PTPRD: variants seen among roughly 807,000 people sequenced by gnomAD.
PTPRD encodes the protein receptor-type tyrosine-protein phosphatase delta.
PTPRD carries 34 observed loss-of-function variants against 214.5 expected under a neutral mutation model. The ratio of observed to expected loss-of-function variants is 0.16; its 90% CI spans 0.12 to 0.21. PTPRD has a LOEUF of 0.21. Ranked by LOEUF, PTPRD falls within the 10% of genes least tolerant of loss-of-function variation. The pLI is 1.00. For synonymous variants in PTPRD, 1,128 were observed against 845.7 expected, an observed-to-expected ratio of 1.33 and a Z score of -5.79; for missense variants, 2,545 against 2,398.7, an observed-to-expected ratio of 1.06 and a Z score of -1.27.
intron 2 of PTPRD, among the ~76,000 whole-genome samples, chr9:10,539,106 G>A (rs561764773): frequency 6.6e-6 from 1 of 152,144 alleles, no homozygotes; most frequent in East Asian, 1.9e-4. Context: ...TCCTGATCTT[G>A]CACTTACTTA....
chr9:10,348,457 C>A (rs1205813966), intron 2 of PTPRD, among the ~76,000 whole-genome samples: 1 of 152,138 alleles, frequency 6.6e-6, no homozygotes, highest in Non-Finnish European at 1.5e-5. Context: ...AACACTGCCC[C>A]TTACGTGGTG....
At chr9:8,910,990 A>G (rs534892258) in intron 11 of PTPRD, among the ~76,000 whole-genome samples, 1 of 152,332 alleles carries the variant, frequency 6.6e-6, no homozygotes, top group East Asian at 1.9e-4. Context: ...TCATCGATTA[A>G]AGACACTATT....
chr9:8,845,777 AT>A (rs144009310), intron 11 of PTPRD, among the ~76,000 whole-genome samples: 2,540 of 152,218 alleles, frequency 0.017, 72 homozygotes, highest in African/African-American at 0.057. Flanking sequence ...CCACCAGCAT[AT>A]TTTCCCACTG....
rs924081884 is a variant in PTPRD, at chr9:10,510,157, A to T, written c.-600+102241T>A. On this transcript the variant is annotated intron_variant, in intron 2 of 45. Transcript: ENST00000381196. ...TCTTTGTATTTGGCCTTAGAATATG[A>T]AGTCAAATGTCAATTTGCCAAAGTT... Among the ~76,000 whole-genome samples, 26 of 152,118 alleles carry T rather than the reference A, an allele frequency of 1.7e-4. 1 individual carries two copies. Among genetic ancestry groups the T allele is most frequent in the African/African-American group, 7.2e-5 (3 of 41,436 alleles).
chr9:8,803,795 T>C (rs1185768221), intron 11 of PTPRD, among the ~76,000 whole-genome samples: 2 of 151,878 alleles, frequency 1.3e-5, no homozygotes, highest in African/African-American at 4.8e-5. Context: ...CTATTCATAA[T>C]ACCTTTTTTT....
chr9:8,845,867 T>C (rs1196418220), intron 11 of PTPRD, among the ~76,000 whole-genome samples: 3 of 152,202 alleles, frequency 2.0e-5, no homozygotes, highest in Non-Finnish European at 4.4e-5. Context: ...TTAGTCTCTG[T>C]TAGGGCGGTC....
At chr9:9,324,035 C>T (rs184858082) in intron 9 of PTPRD, among the ~76,000 whole-genome samples, 1 of 152,298 alleles carries the variant, frequency 6.6e-6, no homozygotes, top group African/African-American at 2.4e-5. Flanking sequence ...TTTTTTATGG[C>T]TGCATAGTAT....
intron 2 of PTPRD, among the ~76,000 whole-genome samples, chr9:10,403,227 A>AATATATAT (rs58712564): frequency 0.072 from 4,294 of 59,682 alleles, 394 homozygotes; most frequent in Admixed American, 0.12. Flanking sequence ...TGTGTGTGTA[A>AATATATAT]ATATATATAT....
At chr9:8,889,054 AT>A (rs1049833446) in intron 11 of PTPRD, among the ~76,000 whole-genome samples, 2 of 152,220 alleles carry the variant, frequency 1.3e-5, no homozygotes, top group African/African-American at 4.8e-5. Context: ...CCCATCTATT[AT>A]TAGACCTGTG....
intron 7 of PTPRD, among the ~76,000 whole-genome samples, chr9:9,622,162 T>G (rs185487039): frequency 1.3e-5 from 2 of 152,354 alleles, no homozygotes; most frequent in East Asian, 3.9e-4. Context: ...GCACTAATGT[T>G]CTTCAAATTA....
intron 11 of PTPRD, among the ~76,000 whole-genome samples, chr9:8,946,859 C>G (rs556451926): frequency 1.3e-5 from 2 of 151,872 alleles, no homozygotes; most frequent in Admixed American, 6.6e-5. Flanking sequence ...CTCTTTGTCT[C>G]TATCCTATTT....
At chr9:9,293,222 T>C (rs1161516149) in intron 9 of PTPRD, among the ~76,000 whole-genome samples, 1 of 151,600 alleles carries the variant, frequency 6.6e-6, no homozygotes, top group Non-Finnish European at 1.5e-5. Context: ...CATTTACCTA[T>C]TTAATCATTA....
chr9:8,721,038 GA>G (rs2154418616), intron 12 of PTPRD, among the ~76,000 whole-genome samples: 1 of 145,912 alleles, frequency 6.9e-6, no homozygotes, highest in East Asian at 2.0e-4. Context: ...CTGACCCTTG[GA>G]TTTTTTTTTT....
intron 11 of PTPRD, among the ~76,000 whole-genome samples, chr9:8,929,337 C>A (rs200569764): frequency 1.3e-5 from 2 of 151,858 alleles, no homozygotes; most frequent in African/African-American, 4.8e-5. Context: ...GTCATGAATA[C>A]CTCTTATTAT....
intron 33 of PTPRD, 151 bp from the exon 34 acceptor site, chr9:8,449,988 C>T (rs1195678216): frequency 2.9e-6 from 2 of 691,972 alleles, no homozygotes; most frequent in Admixed American, 2.9e-5. Context: ...GTTCGGGTTG[C>T]TTTTCCCCCC....
chr9:10,166,405 T>A (rs2099159678), intron 3 of PTPRD, among the ~76,000 whole-genome samples: 1 of 151,840 alleles, frequency 6.6e-6, no homozygotes, highest in Non-Finnish European at 1.5e-5. Flanking sequence ...TAAAACATCA[T>A]TTTCATAGAT....
At chr9:9,795,452 C>T (rs975646677) in intron 5 of PTPRD, among the ~76,000 whole-genome samples, 2 of 151,948 alleles carry the variant, frequency 1.3e-5, no homozygotes, top group African/African-American at 4.8e-5. Flanking sequence ...TGGAAAAAAA[C>T]AAGGTTTGTA....
rs1591413225 is a variant in PTPRD at position 9,551,933 on chromosome 9, T to A, written c.-237+22799A>T. Among the ~76,000 whole-genome samples, 8 of 151,388 alleles carry A rather than the reference T, an allele frequency of 5.3e-5. 1 individual carries two copies. The South Asian group carries it at 1.7e-3, about 31-fold the overall frequency. ...CATGCAGAAAGAAATCAGAGTTGGC[T>A]GACATAGAAGTGAGAAAAAAAAAAT... On this transcript the variant is annotated intron_variant, in intron 8 of 45. Transcript: ENST00000381196.
chr9:8,942,361 C>T (rs910112579), intron 11 of PTPRD, among the ~76,000 whole-genome samples: 21 of 152,240 alleles, frequency 1.4e-4, no homozygotes, highest in Middle Eastern at 6.8e-3. Context: ...CACTGCTTCC[C>T]GTTTTACGTG....
Sources: allele counts gnomAD v4.1 joint callset (sites outside exome capture counted in the v4.1 genomes callset), GRCh38; gene constraint gnomAD v4.1.1; transcripts MANE v1.5; gene names NCBI Gene and HGNC (gene_info 2026-07-23, HGNC 2026-07-21).